The following GPSM1 variants were observed in gnomAD, a reference collection of about 807,000 sequenced individuals.
GPSM1 encodes G protein-signaling modulator 1.
GPSM1 carries 48 observed loss-of-function variants against 70.5 expected under a neutral mutation model. That is an observed-to-expected ratio of 0.68 (90% CI 0.54 to 0.87). GPSM1 has a LOEUF of 0.87. Among genes scored for constraint, GPSM1 ranks in the 40% least tolerant of loss-of-function variants. The pLI is 0.00. For missense variants in GPSM1, 981 were observed against 972.6 expected (o/e 1.01, Z -0.11); for synonymous variants, 416 against 430.1 (o/e 0.97, Z 0.41).
intron 11 of GPSM1, among the ~76,000 whole-genome samples, chr9:136,351,144 G>GC (rs1554771994): frequency 6.6e-6 from 1 of 152,198 alleles, no homozygotes; most frequent in Non-Finnish European, 1.5e-5. Context: ...GGGATTCGCA[G>GC]CCCCCCGAGG....
intron 6 of GPSM1, 99 bp downstream of exon 6, chr9:136,338,060 C>T: frequency 1.3e-6 from 1 of 742,018 alleles, no homozygotes. Context: ...CTGACTGCCT[C>T]CCCTCCCCTC....
rs1832387486 is a variant in GPSM1 at position 136,341,371 on chromosome 9, T to A, written c.1207+378T>A. On this transcript the variant is annotated intron_variant, in intron 9 of 13. Coordinates refer to ENST00000440944, the MANE Select transcript of GPSM1 (RefSeq NM_001145638.3). This position sits in a 1 kb window ranked among gnomAD's most constrained non-coding sequence, Gnocchi z 6.7. The stretch of plus-strand genomic sequence containing the variant: ...GGCGAGAGGGCATCAGCCAGAGGGC[T>A]GGGCTGGGCTGGGCTGGGCTGGGCT... 3 of 471,294 alleles carry A rather than the reference T, an allele frequency of 6.4e-6. No homozygotes were observed. Among genetic ancestry groups the A allele is most frequent in the Non-Finnish European group, 8.4e-6 (3 of 359,006 alleles). 29.2% of individuals were successfully genotyped at this position (471,294 alleles called of 1,614,324 possible). A position where few individuals can be genotyped will look rare whatever the true frequency, so the allele number is the denominator to read the frequency against.
intron 4 of GPSM1, 38 bp downstream of exon 4, chr9:136,337,110 C>A (rs1554769390): frequency 2.6e-6 from 4 of 1,517,814 alleles, no homozygotes; most frequent in African/African-American, 2.8e-5. Context: ...CCGGGGCTGG[C>A]CTGTGCGTTT....
intron 2 of GPSM1, among the ~76,000 whole-genome samples, chr9:136,335,687 CTGTG>C (rs2131395999): frequency 6.6e-6 from 1 of 152,336 alleles, no homozygotes; most frequent in African/African-American, 2.4e-5. Context: ...GCGTGAGGTC[CTGTG>C]TGTAGCTCCT....
rs557426801 is a variant in GPSM1 at position 136,332,336 on chromosome 9, G to A, written c.69-2111G>A. 5.4e-4 allele frequency among the ~76,000 whole-genome samples: 83 copies of A among 152,352 alleles called. No individual in the cohort carries two copies. The South Asian group carries it at 0.012, about 22-fold the overall frequency. The stretch of plus-strand genomic sequence containing the variant: ...GGTGCAGAATGACAGAGGCCCATCC[G>A]TGCACCCATCCCCGACTTTTAGGCC... On this transcript the variant is annotated intron_variant, in intron 1 of 13. Coordinates refer to ENST00000440944, the MANE Select transcript of GPSM1 (RefSeq NM_001145638.3).
intron 1 of GPSM1, 95 bp from the exon 2 acceptor site, chr9:136,334,352 C>T: frequency 1.2e-6 from 1 of 829,110 alleles, no homozygotes; most frequent in South Asian, 1.6e-5. Context: ...CCCTAGCCCA[C>T]CCAGGGGCGT....
In GPSM1 at chr9:136,358,043, G is replaced by A. The variant is rs3812547; in HGVS notation, c.1851G>A (p.Pro617=). Residue 617 remains proline (P), a synonymous_variant, in exon 14 of 14, where the codon CCG becomes CCA. Coordinates refer to ENST00000440944, the MANE Select transcript of GPSM1 (RefSeq NM_001145638.3). The stretch of plus-strand genomic sequence containing the variant: ...CCAGGATCGATGACCAGCGCTGCCC[G>A]CCACCTGACGTACTGCCCCGGGGCC... The part of the protein sequence containing the change: ...QSSRIDDQRC[P]PPDVLPRGPT... 0.68 allele frequency: 1,093,380 copies of A among 1,612,118 alleles called. 373,871 individuals are homozygous for A. The highest frequency in any genetic ancestry group is 0.91 in the East Asian group (41,012 of 44,862).
intron 11 of GPSM1, among the ~76,000 whole-genome samples, chr9:136,353,738 G>A (rs1832734876): frequency 6.6e-6 from 1 of 152,218 alleles, no homozygotes; most frequent in Admixed American, 6.5e-5. Context: ...GGTCACCTGG[G>A]GGAGTCCAGA....
intron 13 of GPSM1, 44 bp downstream of exon 13, chr9:136,356,594 C>A: frequency 6.8e-7 from 1 of 1,471,438 alleles, no homozygotes; most frequent in Non-Finnish European, 9.3e-7. Context: ...GCCCCTTTGC[C>A]ATCCACGTGT....
chr9:136,335,030 TG>T (rs1320383086), intron 2 of GPSM1, among the ~76,000 whole-genome samples: 2 of 152,070 alleles, frequency 1.3e-5, no homozygotes, highest in Non-Finnish European at 2.9e-5. Flanking sequence ...GGCAGGGAGC[TG>T]GGTTTCAGCT....
intron 11 of GPSM1, among the ~76,000 whole-genome samples, chr9:136,350,823 G>A (rs1333978946): frequency 2.6e-5 from 4 of 152,240 alleles, no homozygotes; most frequent in African/African-American, 4.8e-5. Context: ...GGCGGGAGGG[G>A]TGGGGCAGTT....
chr9:136,351,030 C>T (rs1832648714), intron 11 of GPSM1, among the ~76,000 whole-genome samples: 1 of 152,174 alleles, frequency 6.6e-6, no homozygotes, highest in Non-Finnish European at 1.5e-5. Context: ...CGGAGGTCAG[C>T]CTGGAGCTCC....
At chr9:136,350,582 C>T (rs1449681479) in intron 11 of GPSM1, among the ~76,000 whole-genome samples, 2 of 152,204 alleles carry the variant, frequency 1.3e-5, no homozygotes, top group African/African-American at 4.8e-5. Context: ...GCTGGGTGGC[C>T]TGTGCATGGC....
At chr9:136,351,146 C>A (rs575749790) in intron 11 of GPSM1, among the ~76,000 whole-genome samples, 115 of 152,308 alleles carry the variant, frequency 7.6e-4, no homozygotes, top group Non-Finnish European at 1.5e-3. Flanking sequence ...GATTCGCAGC[C>A]CCCCGAGGCT....
At chr9:136,349,544 G>A in intron 10 of GPSM1, 43 bp from the exon 11 acceptor site, 1 of 1,522,790 alleles carries the variant, frequency 6.6e-7, no homozygotes, top group East Asian at 2.5e-5. Context: ...GGGGACATTG[G>A]TTCACAATTG....
In GPSM1 at chr9:136,341,409, T is replaced by C. The variant is rs1030682298; in HGVS notation, c.1207+416T>C. Reference sequence around the variant, plus strand: ...GCTGGGCTGGGCTGTGGGAGCCCTATGTGCCTGGGGCAGTAATCAGGCAAG... The same window carrying C: ...GCTGGGCTGGGCTGTGGGAGCCCTACGTGCCTGGGGCAGTAATCAGGCAAG... On this transcript the variant is annotated intron_variant, in intron 9 of 13. Transcript: ENST00000440944. This position sits in a 1 kb window ranked among gnomAD's most constrained non-coding sequence, Gnocchi z 6.7. 8.2e-5 allele frequency: 116 copies of C among 1,419,516 alleles called. No homozygotes were observed. Among genetic ancestry groups the C allele is most frequent in the Non-Finnish European group, 1.0e-4 (110 of 1,091,478 alleles). 87.9% of individuals were successfully genotyped at this position (1,419,516 alleles called of 1,614,324 possible). A position where few individuals can be genotyped will look rare whatever the true frequency, so the allele number is the denominator to read the frequency against.
intron 11 of GPSM1, among the ~76,000 whole-genome samples, chr9:136,350,672 C>T (rs782024049): frequency 1.3e-5 from 2 of 152,170 alleles, no homozygotes; most frequent in African/African-American, 2.4e-5. Context: ...GAGGCCCCAC[C>T]CTGCCCTACC....
At position 136,336,934 on chromosome 9, in the gene GPSM1, G is replaced by A. The variant is rs1284386092; in HGVS notation, c.440G>A (p.Arg147Lys). Residue 147 changes from arginine to lysine, a missense_variant, in exon 4 of 14, where the codon AGG (arginine) becomes AAG (lysine). Physicochemically the swap from Arg to Lys is conservative, Grantham distance 26. Transcript: ENST00000440944. ...QEQGDKVGEA[R>K]ALYNIGNVYH... ...TACTGCCCACAGGTTGGGGAGGCGA[G>A]GGCCCTCTACAACATCGGGAACGTG... 2 of 1,556,088 alleles carry A rather than the reference G, an allele frequency of 1.3e-6. No homozygotes were observed. The highest frequency in any genetic ancestry group is 2.4e-5 in the South Asian group (2 of 84,372).
Position 136,342,101 on chromosome 9 carries a change from C to G in GPSM1, c.1207+1108C>G, listed in dbSNP as rs1400457807. Among the ~76,000 whole-genome samples the G allele has an allele frequency of 6.6e-6, 1 of 152,012 alleles. No homozygotes were observed. The highest frequency in any genetic ancestry group is 1.5e-5 in the Non-Finnish European group (1 of 67,990). On this transcript the variant is annotated intron_variant, in intron 9 of 13. Transcript: ENST00000440944. The surrounding 1 kb of genome is among the most constrained non-coding windows in gnomAD (Gnocchi z 5.5). ...CTCAGCGAGTCCGTGGGACAAGGTGCTGTGACCGATGGCAGTGGGTGGGTA... is the reference window on the plus strand; with the variant it reads ...CTCAGCGAGTCCGTGGGACAAGGTGGTGTGACCGATGGCAGTGGGTGGGTA...
Sources: allele counts gnomAD v4.1 joint callset (sites outside exome capture counted in the v4.1 genomes callset), GRCh38; gene constraint gnomAD v4.1.1; non-coding constraint Gnocchi (gnomAD v3.1); transcripts MANE v1.5; gene names NCBI Gene and HGNC (gene_info 2026-07-23, HGNC 2026-07-21).